SIK2: variants seen among roughly 807,000 people sequenced by gnomAD.
The protein encoded by SIK2 is salt inducible kinase 2, also known as serine/threonine-protein kinase SIK2.
SIK2 carries 29 observed loss-of-function variants against 103.2 expected under a neutral mutation model. The observed-to-expected ratio is 0.28, with a 90% confidence interval of 0.21 to 0.38. The LOEUF (loss-of-function observed/expected upper bound fraction) is 0.38. Among genes scored for constraint, SIK2 ranks in the 10% least tolerant of loss-of-function variants. The probability of loss-of-function intolerance (pLI) is 1.00; values close to 1 mark genes in which losing one functional copy is unlikely to be tolerated. For missense variants in SIK2, 879 were observed against 1,171.0 expected, an observed-to-expected ratio of 0.75 and a Z score of 3.64; for synonymous variants, 412 against 446.1, an observed-to-expected ratio of 0.92 and a Z score of 0.96.
chr11:111,609,992 C>G (rs75296319), intron 1 of SIK2, among the ~76,000 whole-genome samples: 398 of 152,266 alleles, frequency 2.6e-3, no homozygotes, highest in African/African-American at 8.9e-3. Flanking sequence ...TTATCTAAGA[C>G]AAGAAACACA....
At chr11:111,691,979 A>G (rs1342525891) in intron 4 of SIK2, among the ~76,000 whole-genome samples, 1 of 152,186 alleles carries the variant, frequency 6.6e-6, no homozygotes, top group Non-Finnish European at 1.5e-5. Context: ...GTCTGGAAGA[A>G]TCAGGGAAAT....
intron 3 of SIK2, among the ~76,000 whole-genome samples, chr11:111,683,969 T>C (rs963280934): frequency 6.6e-6 from 1 of 152,150 alleles, no homozygotes; most frequent in South Asian, 2.1e-4. Flanking sequence ...GCAGAAATCA[T>C]AAAGCATGGG....
At chr11:111,633,654 T>A (rs1304853522) in intron 3 of SIK2, among the ~76,000 whole-genome samples, 1 of 152,234 alleles carries the variant, frequency 6.6e-6, no homozygotes, top group African/African-American at 2.4e-5. Flanking sequence ...TTACTGGTAG[T>A]TACCACCATA....
At chr11:111,676,958 A>G (rs191961757) in intron 3 of SIK2, among the ~76,000 whole-genome samples, 16 of 152,260 alleles carry the variant, frequency 1.1e-4, no homozygotes, top group Non-Finnish European at 2.1e-4. Context: ...CCATAAATAG[A>G]GTAAATAGCA....
chr11:111,621,085 T>C (rs542685945), intron 3 of SIK2, among the ~76,000 whole-genome samples: 118 of 152,248 alleles, frequency 7.8e-4, no homozygotes, highest in Non-Finnish European at 1.5e-3. Flanking sequence ...AGCAGCTTTA[T>C]TGAAGAATAA....
intron 3 of SIK2, among the ~76,000 whole-genome samples, chr11:111,638,537 A>C (rs1370636819): frequency 6.6e-6 from 1 of 152,174 alleles, no homozygotes. Flanking sequence ...TGAGGCTTCA[A>C]GTTTCTCAAG....
intron 3 of SIK2, among the ~76,000 whole-genome samples, chr11:111,663,963 T>G (rs1052694797): frequency 3.3e-5 from 5 of 152,212 alleles, no homozygotes; most frequent in Admixed American, 1.3e-4. Context: ...ATTTGAAGCT[T>G]CAGATCCTGT....
chr11:111,723,063 C>T (rs1021431233), intron 14 of SIK2, among the ~76,000 whole-genome samples: 1 of 152,176 alleles, frequency 6.6e-6, no homozygotes, highest in Non-Finnish European at 1.5e-5. Context: ...GGGTAGGCGG[C>T]ACAGGAGCCT....
chr11:111,726,802 G>C lies in SIK2; in HGVS notation c.*2673G>C, dbSNP rs942543604. ...TTGCTTTCCAGTCTGATTCACGTTA[G>C]CAGTGTGTACACTACTGTATCATCA... On this transcript the variant is annotated 3_prime_UTR_variant, in exon 15 of 15. Transcript: ENST00000304987. 1.9e-5 allele frequency: 12 copies of C among 632,258 alleles called. No individual in the cohort carries two copies. The Admixed American group carries it at 3.3e-4, about 17-fold the overall frequency. The allele number at this position is 632,258 out of a possible 1,614,324, so 39.2% of individuals were successfully genotyped here.
At chr11:111,721,502 C>T (rs1943800476) in intron 12 of SIK2, among the ~76,000 whole-genome samples, 1 of 152,172 alleles carries the variant, frequency 6.6e-6, no homozygotes, top group Non-Finnish European at 1.5e-5. Context: ...ATAAATACTG[C>T]TACTTACCTG....
chr11:111,654,132 T>C (rs770824989), intron 3 of SIK2, among the ~76,000 whole-genome samples: 2 of 152,248 alleles, frequency 1.3e-5, no homozygotes, highest in East Asian at 3.8e-4. Flanking sequence ...GTCTTACTAT[T>C]CCTTCCTAAG....
In SIK2 at chr11:111,663,224, C is replaced by A. The variant is rs571319897; in HGVS notation, c.317-24777C>A. 2.3e-3 allele frequency among the ~76,000 whole-genome samples: 238 copies of A among 103,324 alleles called. 2 individuals are homozygous for A. The highest frequency in any genetic ancestry group is 6.3e-3 in the African/African-American group (220 of 34,696). 67.8% of individuals were successfully genotyped at this position (103,324 alleles called of 152,430 possible). On this transcript the variant is annotated intron_variant, in intron 3 of 14. Transcript: ENST00000304987. Reference sequence around the variant, plus strand: ...CTCCAGCCTGGGCAACAGAGTGAGACCCTATTTCAAAAAAAAAAAAAAATA... The same window carrying A: ...CTCCAGCCTGGGCAACAGAGTGAGAACCTATTTCAAAAAAAAAAAAAAATA...
At chr11:111,639,997 G>A (rs1942159648) in intron 3 of SIK2, among the ~76,000 whole-genome samples, 1 of 152,164 alleles carries the variant, frequency 6.6e-6, no homozygotes, top group Admixed American at 6.5e-5. Flanking sequence ...ACTGCGCAGG[G>A]TGTGTGGCAC....
rs1398769004 is a variant in SIK2 at position 111,602,535 on chromosome 11, G to C, written c.-29G>C. The C allele has an allele frequency of 3.4e-6, 5 of 1,477,422 alleles. No homozygotes were observed. In the Admixed American group the frequency reaches 7.1e-5, roughly 21 times the overall value. The allele number at this position is 1,477,422 out of a possible 1,614,324, so 91.5% of individuals were successfully genotyped here. ...AACCCTCCCGCCCGCCCGCGCTCCT[G>C]TCCGCCGTGTCTAGCAGCGGGGCCC... On this transcript the variant is annotated 5_prime_UTR_variant, in exon 1 of 15. Transcript: ENST00000304987. This position sits in a 1 kb window ranked among gnomAD's most constrained non-coding sequence, Gnocchi z 4.5.
intron 3 of SIK2, among the ~76,000 whole-genome samples, chr11:111,682,877 G>C (rs1006286312): frequency 1.3e-5 from 2 of 152,134 alleles, no homozygotes; most frequent in African/African-American, 4.8e-5. Context: ...TCAATATTGA[G>C]TTTAAATTAG....
Position 111,602,466 on chromosome 11 carries a change from A to T in SIK2, c.-98A>T. The T allele has an allele frequency of 1.5e-6, 2 of 1,294,508 alleles. No homozygotes were observed. The highest frequency in any genetic ancestry group is 2.0e-6 in the Non-Finnish European group (2 of 1,000,074). 80.2% of individuals were successfully genotyped at this position (1,294,508 alleles called of 1,614,324 possible). A position where few individuals can be genotyped will look rare whatever the true frequency, so the allele number is the denominator to read the frequency against. On this transcript the variant is annotated 5_prime_UTR_variant, in exon 1 of 15. In the 5' UTR this introduces an upstream ATG that the reference lacks. Coordinates refer to ENST00000304987, the MANE Select transcript of SIK2 (RefSeq NM_015191.3). This position sits in a 1 kb window ranked among gnomAD's most constrained non-coding sequence, Gnocchi z 4.5. ...CGGGAGGGAAGGAGCGAAGGAGCGAAGGAGCAAGCGGAGCGGCCGTCGCCC... is the reference window on the plus strand; with the variant it reads ...CGGGAGGGAAGGAGCGAAGGAGCGATGGAGCAAGCGGAGCGGCCGTCGCCC...
At chr11:111,650,704 T>C (rs540532025) in intron 3 of SIK2, among the ~76,000 whole-genome samples, 3 of 152,162 alleles carry the variant, frequency 2.0e-5, no homozygotes, top group Non-Finnish European at 4.4e-5. Flanking sequence ...ATTATGTTGC[T>C]TGTTTTTTCC....
chr11:111,686,128 G>A (rs1421469825), intron 3 of SIK2, among the ~76,000 whole-genome samples: 1 of 152,074 alleles, frequency 6.6e-6, no homozygotes, highest in Admixed American at 6.6e-5. Context: ...ATAAAGTATT[G>A]TATAAATGTT....
intron 9 of SIK2, among the ~76,000 whole-genome samples, chr11:111,717,885 A>T (rs1943691689): frequency 2.6e-5 from 4 of 152,180 alleles, no homozygotes; most frequent in Admixed American, 2.6e-4. Context: ...GAATGGACAC[A>T]TGGAGGGGAA....
Sources: gnomAD v4.1 joint callset for allele counts (sites outside exome capture counted in the v4.1 genomes callset) on GRCh38, gnomAD v4.1.1 for gene constraint, Gnocchi (gnomAD v3.1) non-coding constraint, MANE v1.5 for transcripts, NCBI Gene and HGNC (gene_info 2026-07-23, HGNC 2026-07-21) for gene names.